Variants in CARM1 observed in about 807,000 individuals in gnomAD.
The protein encoded by CARM1 is histone-arginine methyltransferase CARM1.
CARM1 carries 14 observed loss-of-function variants against 72.7 expected under a neutral mutation model. The ratio of observed to expected loss-of-function variants is 0.19; its 90% CI spans 0.13 to 0.30. The LOEUF is 0.30. Ranked by LOEUF, CARM1 falls within the 10% of genes least tolerant of loss-of-function variation. The pLI is 1.00. For missense variants in CARM1, 432 were observed against 833.7 expected, an observed-to-expected ratio of 0.52 and a Z score of 5.93; for synonymous variants, 333 against 345.5, an observed-to-expected ratio of 0.96 and a Z score of 0.40.
intron 1 of CARM1, among the ~76,000 whole-genome samples, chr19:10,901,652 A>G (rs2074066717): frequency 6.6e-6 from 1 of 152,040 alleles, no homozygotes. Flanking sequence ...TGAGTTAAAA[A>G]AGTTCTTGGC....
chr19:10,913,125 G>T (rs577788826), intron 5 of CARM1, among the ~76,000 whole-genome samples: 5 of 146,944 alleles, frequency 3.4e-5, no homozygotes, highest in Admixed American at 6.6e-5. Context: ...TTTTTTTTTG[G>T]GGGGGGTCTC....
chr19:10,913,356 C>T lies in CARM1; in HGVS notation c.670-521C>T, dbSNP rs537456436. 3.3e-4 allele frequency among the ~76,000 whole-genome samples: 50 copies of T among 151,914 alleles called. 2 individuals carry two copies. The South Asian group carries it at 9.2e-3, about 28-fold the overall frequency. On this transcript the variant is annotated intron_variant, in intron 5 of 15. Transcript: ENST00000327064. ...GGCGGATCACCTGAGGTCAAGAGTT[C>T]GAGACCAGCCTGACCAACGTGGCAA...
Position 10,896,687 on chromosome 19 carries a change from G to A in CARM1, c.221-8264G>A, listed in dbSNP as rs535799984. On this transcript the variant is annotated intron_variant, in intron 1 of 15. Coordinates refer to ENST00000327064, the MANE Select transcript of CARM1 (RefSeq NM_199141.2). The surrounding 1 kb of genome is among the most constrained non-coding windows in gnomAD (Gnocchi z 5.2). ...GTCTGGGCCACCCCTGTTTCCCTGC[G>A]TTCCTGCACTCTTCCCCTTACTGGC... Among the ~76,000 whole-genome samples, 23 of 152,172 alleles carry A rather than the reference G, an allele frequency of 1.5e-4. No individual in the cohort carries two copies. The South Asian group carries it at 4.8e-3, about 32-fold the overall frequency.
chr19:10,914,954 G>C (rs752302991), intron 6 of CARM1, among the ~76,000 whole-genome samples: 1 of 152,196 alleles, frequency 6.6e-6, no homozygotes, highest in East Asian at 1.9e-4. Context: ...GTATGTGAGC[G>C]TCTGAGCATT....
In CARM1 at chr19:10,922,008, C is replaced by T. The variant is rs931386581; in HGVS notation, c.*251C>T. 4 of 405,062 alleles carry T rather than the reference C, an allele frequency of 9.9e-6. No homozygotes were observed. The highest frequency in any genetic ancestry group is 1.8e-5 in the Non-Finnish European group (4 of 222,998). The allele number at this position is 405,062 out of a possible 1,614,324, so 25.1% of individuals were successfully genotyped here. On this transcript the variant is annotated 3_prime_UTR_variant, in exon 16 of 16. Transcript: ENST00000327064. ...CATGTTGTGGGAGCCCTCGTCCCCC[C>T]TCCTGCCCGCTCTACCCTGACCTGG...
rs1484850807 is a variant in CARM1, at chr19:10,890,629, T to G, written c.221-14322T>G. ...TGTGGTCCCAGCTACTTTGTTTTATTTACATATATATATGTATATGTATAT... is the reference window on the plus strand; with the variant it reads ...TGTGGTCCCAGCTACTTTGTTTTATGTACATATATATATGTATATGTATAT... On this transcript the variant is annotated intron_variant, in intron 1 of 15. Transcript: ENST00000327064. 2.7e-5 allele frequency among the ~76,000 whole-genome samples: 4 copies of G among 150,644 alleles called. No homozygotes were observed. In the East Asian group the frequency reaches 7.8e-4, roughly 29 times the overall value.
At chr19:10,919,813 C>T in intron 9 of CARM1, 64 bp from the exon 10 acceptor site, 1 of 1,503,682 alleles carries the variant, frequency 6.7e-7, no homozygotes, top group Non-Finnish European at 9.2e-7. Context: ...CACCTGGCAC[C>T]CCCTCTTCTC....
At chr19:10,873,846 A>G (rs147672984) in intron 1 of CARM1, among the ~76,000 whole-genome samples, 94 of 151,650 alleles carry the variant, frequency 6.2e-4, no homozygotes, top group East Asian at 5.3e-3. Flanking sequence ...TCACCATGTT[A>G]GCCAGGATGG....
chr19:10,919,410 CTGTCACCTGAT>C (rs775574767), intron 8 of CARM1, 174 bp from the exon 9 acceptor site: 162 of 583,682 alleles, frequency 2.8e-4, no homozygotes, highest in Non-Finnish European at 4.0e-4. Flanking sequence ...ATTTGGAGAG[CTGTCACCTGAT>C]TGCCCTCGGT....
intron 1 of CARM1, among the ~76,000 whole-genome samples, chr19:10,873,624 GTTTTTTT>G (rs1169565864): frequency 6.3e-4 from 30 of 47,342 alleles, no homozygotes; most frequent in East Asian, 8.8e-4. Flanking sequence ...TTTTAGTTTA[GTTTTTTT>G]TTTTTTTTTT....
At chr19:10,872,960 C>T (rs1010604064) in intron 1 of CARM1, among the ~76,000 whole-genome samples, 8 of 152,240 alleles carry the variant, frequency 5.3e-5, no homozygotes, top group Middle Eastern at 6.8e-3. Flanking sequence ...GAGGAGCAGT[C>T]CGTTCACACT....
At chr19:10,881,276 G>A (rs367867268) in intron 1 of CARM1, among the ~76,000 whole-genome samples, 28 of 152,338 alleles carry the variant, frequency 1.8e-4, no homozygotes, top group African/African-American at 6.5e-4. Context: ...TAAATTGGCC[G>A]TGGTGTAGCT....
At chr19:10,872,420 G>A (rs2073826208) in intron 1 of CARM1, among the ~76,000 whole-genome samples, 1 of 152,136 alleles carries the variant, frequency 6.6e-6, no homozygotes, top group Non-Finnish European at 1.5e-5. Flanking sequence ...GCTGGTCTGG[G>A]GCGCCCGCGA....
intron 1 of CARM1, among the ~76,000 whole-genome samples, chr19:10,881,696 C>T (rs554438193): frequency 5.7e-4 from 86 of 152,014 alleles, no homozygotes; most frequent in African/African-American, 1.9e-3. Context: ...GGGACGGTGA[C>T]CTTTCCCAGC....
At position 10,922,536 on chromosome 19, in the gene CARM1, G is replaced by A. The variant is rs552708981; in HGVS notation, c.*779G>A. On this transcript the variant is annotated 3_prime_UTR_variant, in exon 16 of 16. Coordinates refer to ENST00000327064, the MANE Select transcript of CARM1 (RefSeq NM_199141.2). ...TGGGCCCGGAGGGAAGGCCACTGCC[G>A]GCCACTTGGGGCAGACACAGACACC... 420 of 135,738 alleles carry A rather than the reference G, an allele frequency of 3.1e-3. 1 individual carries two copies. The highest frequency in any genetic ancestry group is 0.011 in the African/African-American group (403 of 36,180). 8.4% of individuals were successfully genotyped at this position (135,738 alleles called of 1,614,324 possible). A position where few individuals can be genotyped will look rare whatever the true frequency, so the allele number is the denominator to read the frequency against.
chr19:10,883,027 C>G (rs2073913516), intron 1 of CARM1, among the ~76,000 whole-genome samples: 1 of 151,914 alleles, frequency 6.6e-6, no homozygotes, highest in Non-Finnish European at 1.5e-5. Flanking sequence ...TGTGGTCAGC[C>G]CTGCTACTCT....
chr19:10,891,040 C>T (rs2073984257), intron 1 of CARM1, among the ~76,000 whole-genome samples: 1 of 150,968 alleles, frequency 6.6e-6, no homozygotes, highest in Non-Finnish European at 1.5e-5. Context: ...GGGTTGGGTC[C>T]CAGGGGTGGC....
Position 10,921,910 on chromosome 19 carries a change from G to A in CARM1, c.*153G>A, listed in dbSNP as rs1389766132. 8.4e-6 allele frequency: 6 copies of A among 717,720 alleles called. No individual in the cohort carries two copies. The South Asian group carries it at 1.2e-4, about 14-fold the overall frequency. 44.5% of individuals were successfully genotyped at this position (717,720 alleles called of 1,614,324 possible). On this transcript the variant is annotated 3_prime_UTR_variant, in exon 16 of 16. Coordinates refer to ENST00000327064, the MANE Select transcript of CARM1 (RefSeq NM_199141.2). ...GAACTGGGACACTTTTTTACACGAT[G>A]TTGCCGCCGTCCCCACCCTAACCCC... is the stretch of plus-strand genomic sequence containing the variant.
At chr19:10,906,308 GT>G (rs998210927) in intron 2 of CARM1, among the ~76,000 whole-genome samples, 8 of 152,280 alleles carry the variant, frequency 5.3e-5, no homozygotes, top group Non-Finnish European at 1.0e-4. Context: ...AGTTCTGTCA[GT>G]TTTTAAAAGT....
Sources: gnomAD v4.1 joint callset for allele counts (sites outside exome capture counted in the v4.1 genomes callset) on GRCh38, gnomAD v4.1.1 for gene constraint, Gnocchi (gnomAD v3.1) non-coding constraint, MANE v1.5 for transcripts, NCBI Gene and HGNC (gene_info 2026-07-23, HGNC 2026-07-21) for gene names.